FRMPD2: variants seen among roughly 807,000 people sequenced by gnomAD.
FRMPD2 encodes FERM and PDZ domain containing 2, also known as FERM and PDZ domain-containing protein 2.
FRMPD2 carries 96 observed loss-of-function variants against 140.1 expected under a neutral mutation model. That is an observed-to-expected ratio of 0.69 (90% confidence interval 0.58 to 0.81). The LOEUF is 0.81. FRMPD2 is among the 40% of genes least tolerant of loss of function. The pLI is 0.00. For missense variants in FRMPD2, 1,240 were observed against 1,447.4 expected, an observed-to-expected ratio of 0.86 and a Z score of 2.32; for synonymous variants, 449 against 547.6, an observed-to-expected ratio of 0.82 and a Z score of 2.52.
rs1165246982 is a variant in FRMPD2 at position 48,233,194 on chromosome 10, C to A, written c.994-905G>T. On this transcript the variant is annotated intron_variant, in intron 9 of 28. Transcript: ENST00000374201. The stretch of plus-strand genomic sequence containing the variant: ...ATCGAGACCATGCCTGTGGTCATAC[C>A]CTGACACTCCTGGCACCCAGGGGCA... Among the ~76,000 whole-genome samples, 4 of 152,256 alleles carry A rather than the reference C, an allele frequency of 2.6e-5. No homozygotes were observed. In the East Asian group the frequency reaches 7.7e-4, roughly 29 times the overall value.
chr10:48,245,786 T>A (rs1345324523), intron 3 of FRMPD2, among the ~76,000 whole-genome samples: 2 of 152,224 alleles, frequency 1.3e-5, no homozygotes, highest in Non-Finnish European at 2.9e-5. Flanking sequence ...GCTTCTATTA[T>A]AACTGACAAG....
At chr10:48,208,543 G>T (rs980703494) in intron 13 of FRMPD2, among the ~76,000 whole-genome samples, 2 of 152,232 alleles carry the variant, frequency 1.3e-5, no homozygotes, top group African/African-American at 2.4e-5. Flanking sequence ...AATATGGAAA[G>T]ATGAGCCTGT....
intron 4 of FRMPD2, among the ~76,000 whole-genome samples, chr10:48,243,139 T>C (rs1261886633): frequency 6.6e-6 from 1 of 152,220 alleles, no homozygotes; most frequent in East Asian, 1.9e-4. Flanking sequence ...CAGGCGTCTT[T>C]TGTGCCTGGT....
At chr10:48,211,343 T>G (rs1007508912) in intron 13 of FRMPD2, among the ~76,000 whole-genome samples, 2 of 152,252 alleles carry the variant, frequency 1.3e-5, no homozygotes, top group Admixed American at 1.3e-4. Flanking sequence ...TGTGCTATGT[T>G]GAGGACTGCT....
At position 48,236,502 on chromosome 10, in the gene FRMPD2, G is replaced by A. The variant is rs1254437314; in HGVS notation, c.973C>T (p.His325Tyr). Residue 325 changes from histidine to tyrosine, a missense_variant, in exon 9 of 29, where the codon CAT becomes TAT. By Grantham distance (83) the His-to-Tyr change is moderately conservative. Around this residue, in one of 6 missense-constraint regions of FRMPD2, gnomAD observed 1,161 missense variants for 1,055.9 expected, o/e 1.10. Coordinates refer to ENST00000374201, the MANE Select transcript of FRMPD2 (RefSeq NM_001018071.4). ...LLAGEAPMTL[H>Y]LPGSVVTKKG... ...GTTACCACAACCGATCCCGGCAGATGTAGTGTCATCGGGGCCTCTCCAGCC... is the reference window on the plus strand; with the variant it reads ...GTTACCACAACCGATCCCGGCAGATATAGTGTCATCGGGGCCTCTCCAGCC... The A allele has an allele frequency of 9.9e-6, 16 of 1,614,084 alleles. No individual in the cohort carries two copies. Among genetic ancestry groups the A allele is most frequent in the Non-Finnish European group, 1.4e-5 (16 of 1,180,036 alleles).
chr10:48,232,350 G>T, intron 9 of FRMPD2, 61 bp from the exon 10 acceptor site: 1 of 1,257,138 alleles, frequency 8.0e-7, no homozygotes. Flanking sequence ...TTTAGTGTGT[G>T]CTGGTTACTG....
chr10:48,171,313 G>T lies in FRMPD2; in HGVS notation c.3224-105C>A. On this transcript the variant is annotated intron_variant, in intron 25 of 28. Transcript: ENST00000374201. Reference sequence around the variant, plus strand: ...CAAGTAGATGAATTATTTCTTTTACGTTCAAATAATTCCTTTGCTAATTTT... The same window carrying T: ...CAAGTAGATGAATTATTTCTTTTACTTTCAAATAATTCCTTTGCTAATTTT... 4.1e-6 allele frequency: 3 copies of T among 731,172 alleles called. No homozygotes were observed. In the South Asian group the frequency reaches 4.2e-5, roughly 10 times the overall value. 45.3% of individuals were successfully genotyped at this position (731,172 alleles called of 1,614,324 possible). A position where few individuals can be genotyped will look rare whatever the true frequency, so the allele number is the denominator to read the frequency against.
chr10:48,203,867 T>C (rs962707795), intron 14 of FRMPD2, among the ~76,000 whole-genome samples: 1 of 152,136 alleles, frequency 6.6e-6, no homozygotes, highest in Non-Finnish European at 1.5e-5. Context: ...AGACACACCC[T>C]CCTTGCCACG....
intron 1 of FRMPD2, among the ~76,000 whole-genome samples, chr10:48,271,671 C>T (rs944188964): frequency 6.6e-6 from 1 of 152,184 alleles, no homozygotes; most frequent in East Asian, 1.9e-4. Context: ...AGTAGAGCTG[C>T]CAGCGACCAG....
At chr10:48,249,312 G>C (rs1840324248) in intron 2 of FRMPD2, 134 bp from the exon 3 acceptor site, 1 of 770,706 alleles carries the variant, frequency 1.3e-6, no homozygotes, top group Non-Finnish European at 2.1e-6. Context: ...AGGAGACATG[G>C]AACAGAATAA....
At chr10:48,217,103 A>G (rs1839468249) in intron 12 of FRMPD2, among the ~76,000 whole-genome samples, 1 of 152,200 alleles carries the variant, frequency 6.6e-6, no homozygotes, top group Non-Finnish European at 1.5e-5. Flanking sequence ...GAGAGGGGAC[A>G]GAGGGGAATT....
chr10:48,171,633 G>C (rs1298137629), intron 25 of FRMPD2, among the ~76,000 whole-genome samples: 1 of 152,222 alleles, frequency 6.6e-6, no homozygotes, highest in South Asian at 2.1e-4. Flanking sequence ...TACGAACTAA[G>C]CTTTCAAAAT....
intron 9 of FRMPD2, 70 bp from the exon 10 acceptor site, chr10:48,232,359 T>C: frequency 8.9e-7 from 1 of 1,120,368 alleles, no homozygotes. Flanking sequence ...TGCTGGTTAC[T>C]GTACTAAGCA....
intron 12 of FRMPD2, among the ~76,000 whole-genome samples, chr10:48,214,973 C>A (rs531577135): frequency 1.3e-5 from 2 of 152,192 alleles, no homozygotes; most frequent in Non-Finnish European, 2.9e-5. Flanking sequence ...AAAACCCCCG[C>A]ATGTGATCAA....
intron 3 of FRMPD2, 24 bp downstream of exon 3, chr10:48,248,997 T>C: frequency 6.3e-7 from 1 of 1,581,684 alleles, no homozygotes; most frequent in Non-Finnish European, 8.6e-7. Context: ...GACTCAGAAG[T>C]TGCAGAGTAG....
intron 9 of FRMPD2, among the ~76,000 whole-genome samples, chr10:48,235,677 C>T: frequency 6.6e-6 from 1 of 152,238 alleles, no homozygotes; most frequent in East Asian, 1.9e-4. Context: ...AATGTGTGCG[C>T]TTCCAGCCCT....
intron 1 of FRMPD2, among the ~76,000 whole-genome samples, chr10:48,271,692 C>G (rs1398278239): frequency 1.3e-5 from 2 of 152,182 alleles, no homozygotes; most frequent in Non-Finnish European, 2.9e-5. Flanking sequence ...TAAAAGGAAG[C>G]CTGAGGAATA....
At position 48,178,341 on chromosome 10, in the gene FRMPD2, A is replaced by G. The variant is rs566657037; in HGVS notation, c.2791-190T>C. On this transcript the variant is annotated intron_variant, in intron 21 of 28. Transcript: ENST00000374201. The stretch of plus-strand genomic sequence containing the variant: ...TGACCTCAGACAAAGCAGGAGGAAG[A>G]TGAGGGAGTGATGGGCTGGGCTGAT... 4.6e-5 allele frequency among the ~76,000 whole-genome samples: 7 copies of G among 152,280 alleles called. No individual in the cohort carries two copies. In the South Asian group the frequency reaches 1.5e-3, roughly 32 times the overall value.
chr10:48,182,134 T>C (rs913891195), intron 20 of FRMPD2, among the ~76,000 whole-genome samples: 7 of 152,134 alleles, frequency 4.6e-5, no homozygotes, highest in Non-Finnish European at 1.0e-4. Flanking sequence ...ATAAATCTGA[T>C]TTAATGAATT....
Sources: allele counts gnomAD v4.1 joint callset (sites outside exome capture counted in the v4.1 genomes callset), GRCh38; gene constraint gnomAD v4.1.1; regional missense constraint gnomAD v4.1.1; transcripts MANE v1.5; gene names NCBI Gene and HGNC (gene_info 2026-07-23, HGNC 2026-07-21).